SOX5: variants seen among roughly 807,000 people sequenced by gnomAD.
SOX5 encodes transcription factor SOX-5.
In SOX5, 9 loss-of-function variants were observed where a neutral mutation model predicts 92.0. That is an observed-to-expected ratio of 0.10 (90% CI 0.06 to 0.17). SOX5 has a LOEUF of 0.17. Ranked by LOEUF, SOX5 falls within the 10% of genes least tolerant of loss-of-function variation. SOX5 has a pLI of 1.00. For missense variants in SOX5, 642 were observed against 944.5 expected (o/e 0.68, Z 4.20); for synonymous variants, 344 against 336.3 (o/e 1.02, Z -0.25).
intron 4 of SOX5, among the ~76,000 whole-genome samples, chr12:24,108,811 C>T (rs1482037722): frequency 6.6e-6 from 1 of 152,134 alleles, no homozygotes; most frequent in Admixed American, 6.5e-5. Flanking sequence ...TTTCTCAGAA[C>T]AGAACCAGTT....
rs140224713 is a variant in SOX5, at chr12:23,688,985, A to T, written c.811-23421T>A. ...CCATCAATTCCAATATTTCACAAGC[A>T]TCTCTTTCAGAAAATTATTATCTGA... On this transcript the variant is annotated intron_variant, in intron 6 of 14. Coordinates refer to ENST00000451604, the MANE Select transcript of SOX5 (RefSeq NM_006940.6). Among the ~76,000 whole-genome samples the T allele has an allele frequency of 1.2e-4, 18 of 152,264 alleles. No individual in the cohort carries two copies. The East Asian group carries it at 3.1e-3, about 26-fold the overall frequency.
intron 4 of SOX5, among the ~76,000 whole-genome samples, chr12:24,124,643 A>G (rs1948939451): frequency 6.6e-6 from 1 of 152,206 alleles, no homozygotes; most frequent in South Asian, 2.1e-4. Context: ...AAGTTGATCA[A>G]GAATCTTTTA....
chr12:24,087,094 C>T (rs556166810), intron 4 of SOX5, among the ~76,000 whole-genome samples: 1 of 151,990 alleles, frequency 6.6e-6, no homozygotes, highest in Non-Finnish European at 1.5e-5. Context: ...TATGTTTCTA[C>T]ATGTTGGACA....
intron 2 of SOX5, among the ~76,000 whole-genome samples, chr12:24,303,431 A>G (rs16927450): frequency 0.2 from 29,976 of 152,132 alleles, 3,434 homozygotes; most frequent in East Asian, 0.46. Flanking sequence ...TTGGCCCTTG[A>G]TGAGAGCAGA....
At chr12:24,017,368 G>C (rs973440201) in intron 4 of SOX5, among the ~76,000 whole-genome samples, 1 of 152,120 alleles carries the variant, frequency 6.6e-6, no homozygotes, top group African/African-American at 2.4e-5. Flanking sequence ...GGAGGCTGAA[G>C]TAGGCGGATC....
intron 1 of SOX5, among the ~76,000 whole-genome samples, chr12:24,472,851 T>G (rs963072508): frequency 1.3e-5 from 2 of 152,006 alleles, no homozygotes; most frequent in Non-Finnish European, 2.9e-5. Flanking sequence ...ATGAACTACA[T>G]AAACATAATT....
At chr12:24,188,689 A>C (rs1171470813) in intron 4 of SOX5, among the ~76,000 whole-genome samples, 1 of 152,208 alleles carries the variant, frequency 6.6e-6, no homozygotes, top group Non-Finnish European at 1.5e-5. Context: ...AGTCTTAAAC[A>C]TCAGACTTAT....
chr12:23,865,668 C>T (rs192121267), intron 2 of SOX5, among the ~76,000 whole-genome samples: 2 of 149,600 alleles, frequency 1.3e-5, no homozygotes, highest in Admixed American at 1.3e-4. Flanking sequence ...GAGTGAGACT[C>T]CGTCTCAAAA....
intron 6 of SOX5, among the ~76,000 whole-genome samples, chr12:23,687,439 A>C (rs1215110153): frequency 1.3e-5 from 2 of 152,110 alleles, no homozygotes; most frequent in African/African-American, 4.8e-5. Context: ...TGCGTTTTTT[A>C]AAAAGCACTT....
intron 2 of SOX5, among the ~76,000 whole-genome samples, chr12:23,860,907 T>A (rs555450479): frequency 4.7e-5 from 7 of 147,926 alleles, no homozygotes; most frequent in African/African-American, 1.8e-4. Context: ...TTTTGAAAGT[T>A]TATCGTTATT....
At chr12:23,545,318 A>G (rs1277698318) in intron 12 of SOX5, among the ~76,000 whole-genome samples, 1 of 152,196 alleles carries the variant, frequency 6.6e-6, no homozygotes, top group Non-Finnish European at 1.5e-5. Flanking sequence ...TGCCAAAGGA[A>G]TGCTTAAAAT....
intron 2 of SOX5, among the ~76,000 whole-genome samples, chr12:23,871,705 T>C (rs78086698): frequency 0.032 from 4,829 of 152,204 alleles, 97 homozygotes; most frequent in Middle Eastern, 0.044. Flanking sequence ...ACTCCGTTGG[T>C]ATAAAAACTA....
At chr12:24,159,430 T>C (rs527744242) in intron 4 of SOX5, among the ~76,000 whole-genome samples, 1 of 152,140 alleles carries the variant, frequency 6.6e-6, no homozygotes, top group South Asian at 2.1e-4. Context: ...CAAACTCTAT[T>C]CTAAGAGAAA....
At chr12:24,505,266 A>G (rs940872454) in intron 1 of SOX5, among the ~76,000 whole-genome samples, 2 of 152,238 alleles carry the variant, frequency 1.3e-5, no homozygotes, top group African/African-American at 2.4e-5. Flanking sequence ...AAAGCTTATA[A>G]TGTGGAAAAC....
intron 4 of SOX5, among the ~76,000 whole-genome samples, chr12:24,068,176 TAATAAGTAAAGGGAAATTAGCAGATTAA>T (rs1941106612): frequency 6.6e-6 from 1 of 151,750 alleles, no homozygotes; most frequent in African/African-American, 2.4e-5. Context: ...ACTTAAAGGG[TAATAAGTAAAGGGAAATTAGCAGATTAA>T]ATGAGGCTTC....
At chr12:23,816,211 T>C (rs2095989127) in intron 3 of SOX5, among the ~76,000 whole-genome samples, 1 of 149,768 alleles carries the variant, frequency 6.7e-6, no homozygotes, top group Non-Finnish European at 1.5e-5. Context: ...AGATTTCTTT[T>C]TTTTTTTTTT....
rs142422906 is a variant in SOX5 at position 23,762,970 on chromosome 12, T to C, written c.482-7246A>G. Reference sequence around the variant, plus strand: ...CTCACAAAGTAACTGCATTTTCTTATATAGACTACAACTCTTTGTTTTGTT... The same window carrying C: ...CTCACAAAGTAACTGCATTTTCTTACATAGACTACAACTCTTTGTTTTGTT... On this transcript the variant is annotated intron_variant, in intron 3 of 14. Transcript: ENST00000451604. 5.9e-3 allele frequency among the ~76,000 whole-genome samples: 894 copies of C among 152,332 alleles called. 5 individuals carry two copies. Among genetic ancestry groups the C allele is most frequent in the Middle Eastern group, 0.02 (6 of 294 alleles).
intron 1 of SOX5, among the ~76,000 whole-genome samples, chr12:24,530,490 A>T (rs1395355836): frequency 6.6e-6 from 1 of 152,136 alleles, no homozygotes; most frequent in Non-Finnish European, 1.5e-5. Flanking sequence ...ATCTCTACTA[A>T]ACATACAAAA....
chr12:24,016,501 TCAA>T (rs1196971102), intron 4 of SOX5, among the ~76,000 whole-genome samples: 6 of 152,054 alleles, frequency 3.9e-5, no homozygotes, highest in Admixed American at 6.6e-5. Context: ...CATTTGGCCC[TCAA>T]CAACAACAAG....
Sources: gnomAD v4.1 joint callset for allele counts (sites outside exome capture counted in the v4.1 genomes callset) on GRCh38, gnomAD v4.1.1 for gene constraint, MANE v1.5 for transcripts, NCBI Gene and HGNC (gene_info 2026-07-23, HGNC 2026-07-21) for gene names.